NFYA: variants seen among roughly 807,000 people sequenced by gnomAD.
NFYA encodes CAAT-box DNA binding protein subunit A.
NFYA carries 28 observed loss-of-function variants against 52.8 expected under a neutral mutation model. The ratio of observed to expected loss-of-function variants is 0.53; its 90% CI spans 0.39 to 0.73. The LOEUF is 0.73. Among genes scored for constraint, NFYA ranks in the 30% least tolerant of loss-of-function variants. The pLI is 0.00. For missense variants in NFYA, 234 were observed against 427.0 expected, an observed-to-expected ratio of 0.55 and a Z score of 3.98; for synonymous variants, 150 against 150.7, an observed-to-expected ratio of 1.00 and a Z score of 0.03.
chr6:41,080,763 A>G, intron 2 of NFYA, 48 bp from the exon 3 acceptor site: 1 of 1,498,388 alleles, frequency 6.7e-7, no homozygotes. Context: ...CTTGAACTAC[A>G]CATTTCCTTC....
chr6:41,097,579 C>A lies in NFYA; in HGVS notation c.*169C>A. On this transcript the variant is annotated 3_prime_UTR_variant, in exon 10 of 10. Coordinates refer to ENST00000341376, the MANE Select transcript of NFYA (RefSeq NM_002505.5). Reference sequence around the variant, plus strand: ...GTATTACAATTGCAGCGATGCCTGGCAAATTGAAGTTGCAAGCCTTTGTCT... The same window carrying A: ...GTATTACAATTGCAGCGATGCCTGGAAAATTGAAGTTGCAAGCCTTTGTCT... The A allele has an allele frequency of 1.6e-6, 1 of 633,936 alleles. No individual in the cohort carries two copies. 39.3% of individuals were successfully genotyped at this position (633,936 alleles called of 1,614,324 possible).
chr6:41,090,388 T>G (rs898014577), intron 6 of NFYA, 79 bp downstream of exon 6: 22 of 808,076 alleles, frequency 2.7e-5, no homozygotes, highest in Admixed American at 4.3e-5. Context: ...CTTTAGAATT[T>G]GAGTGGTGAA....
At chr6:41,075,626 T>C (rs1036450832) in intron 1 of NFYA, 2 of 152,124 alleles carry the variant, frequency 1.3e-5, no homozygotes, top group Non-Finnish European at 2.9e-5. Flanking sequence ...TGATTTGTAG[T>C]ACTTCACCTT....
At position 41,074,608 on chromosome 6, in the gene NFYA, C is replaced by T. The variant is rs923476297; in HGVS notation, c.-62+1524C>T. Among the ~76,000 whole-genome samples, 10 of 152,162 alleles carry T rather than the reference C, an allele frequency of 6.6e-5. No individual in the cohort carries two copies. In the East Asian group the frequency reaches 1.9e-3, roughly 29 times the overall value. ...AAGCATGTGCAGAGGAATCAAATTACACTGTTGGAGGCAGGAAGATGGGAT... is the reference window on the plus strand; with the variant it reads ...AAGCATGTGCAGAGGAATCAAATTATACTGTTGGAGGCAGGAAGATGGGAT... On this transcript the variant is annotated intron_variant, in intron 1 of 9. Transcript: ENST00000341376.
intron 1 of NFYA, among the ~76,000 whole-genome samples, chr6:41,074,188 T>C (rs1363836620): frequency 6.6e-6 from 1 of 152,254 alleles, no homozygotes; most frequent in Admixed American, 6.5e-5. Flanking sequence ...TCTCTTGGTT[T>C]ATGTTTTTCT....
intron 5 of NFYA, 112 bp from the exon 6 acceptor site, chr6:41,090,092 C>T (rs1469484322): frequency 1.5e-5 from 10 of 684,488 alleles, no homozygotes; most frequent in East Asian, 1.2e-4. Context: ...TCCAGCCTGG[C>T]GACAGAGTGA....
chr6:41,090,183 G>GT, intron 5 of NFYA, 21 bp from the exon 6 acceptor site: 1 of 1,505,916 alleles, frequency 6.6e-7, no homozygotes, highest in African/African-American at 1.4e-5. Context: ...GTTGAATTGT[G>GT]TCATTACTTA....
At chr6:41,085,322 TAATAAG>T (rs1328463004) in intron 4 of NFYA, among the ~76,000 whole-genome samples, 1 of 152,216 alleles carries the variant, frequency 6.6e-6, no homozygotes, top group Non-Finnish European at 1.5e-5. Context: ...GAGTGTCCAT[TAATAAG>T]AATAAGGAAA....
chr6:41,084,054 G>A lies in NFYA; in HGVS notation c.171G>A (p.Gly57=). ...QQVQTLQVVQ[G]QPLMVQVSGG... is the part of the protein sequence containing the mutation. ...ATTTTATTTCATTCTAGGTCCAAGG[G>A]CAGCCATTAATGGTGCAGGTCAGTG... Residue 57 remains glycine (G), a synonymous_variant, in exon 4 of 10, where the codon GGG becomes GGA. Coordinates refer to ENST00000341376, the MANE Select transcript of NFYA (RefSeq NM_002505.5). The A allele has an allele frequency of 1.2e-6, 2 of 1,603,018 alleles. No homozygotes were observed. Among genetic ancestry groups the A allele is most frequent in the Non-Finnish European group, 1.7e-6 (2 of 1,175,680 alleles).
intron 4 of NFYA, among the ~76,000 whole-genome samples, chr6:41,087,354 C>T (rs1349259573): frequency 6.6e-6 from 1 of 152,104 alleles, no homozygotes; most frequent in Non-Finnish European, 1.5e-5. Context: ...CTGTTTTTTT[C>T]ACCTTCCTTC....
At chr6:41,073,609 C>T (rs965927113) in intron 1 of NFYA, among the ~76,000 whole-genome samples, 3 of 152,088 alleles carry the variant, frequency 2.0e-5, no homozygotes, top group Admixed American at 1.3e-4. Context: ...TTATCTGCAG[C>T]CCCTCTAGGT....
chr6:41,096,194 A>G (rs574174098), intron 9 of NFYA, among the ~76,000 whole-genome samples: 9 of 152,334 alleles, frequency 5.9e-5, no homozygotes, highest in African/African-American at 2.2e-4. Flanking sequence ...CATCTAAGCA[A>G]CTTTGCCTTA....
chr6:41,086,153 G>A (rs1446954691), intron 4 of NFYA, among the ~76,000 whole-genome samples: 1 of 152,060 alleles, frequency 6.6e-6, no homozygotes, highest in Non-Finnish European at 1.5e-5. Flanking sequence ...CTCCACTGTT[G>A]AGTAGAGACA....
chr6:41,096,706 C>T (rs148068615), intron 9 of NFYA, among the ~76,000 whole-genome samples: 47 of 152,272 alleles, frequency 3.1e-4, no homozygotes, highest in African/African-American at 1.1e-3. Context: ...CGGAGTGTTG[C>T]AAAAAGCTTC....
rs1462327640 is a variant in NFYA at position 41,100,358 on chromosome 6, AGAC to A, written c.*2949_*2951del. Among the ~76,000 whole-genome samples the A allele has an allele frequency of 6.6e-6, 1 of 152,256 alleles. No homozygotes were observed. The highest frequency in any genetic ancestry group is 2.4e-5 in the African/African-American group (1 of 41,456). ...TTTTGTTAGATTTTGTTTTGGCAGA[AGAC>A]CAAAACAAAAGTACTTTTCTGATTG... On this transcript the variant is annotated 3_prime_UTR_variant, in exon 10 of 10. Coordinates refer to ENST00000341376, the MANE Select transcript of NFYA (RefSeq NM_002505.5).
At position 41,097,662 on chromosome 6, in the gene NFYA, C is replaced by A; in HGVS notation, c.*252C>A. 1 of 420,460 alleles carries A rather than the reference C, an allele frequency of 2.4e-6. No individual in the cohort carries two copies. Among genetic ancestry groups the A allele is most frequent in the South Asian group, 3.0e-5 (1 of 33,718 alleles). The allele number at this position is 420,460 out of a possible 1,614,324, so 26.0% of individuals were successfully genotyped here. A position where few individuals can be genotyped will look rare whatever the true frequency, so the allele number is the denominator to read the frequency against. ...TGATGACATTGACATTTCATGGATT[C>A]GGATGATGCAAGGAGACACATGCCA... On this transcript the variant is annotated 3_prime_UTR_variant, in exon 10 of 10. Coordinates refer to ENST00000341376, the MANE Select transcript of NFYA (RefSeq NM_002505.5).
At chr6:41,084,817 C>G (rs923266971) in intron 4 of NFYA, among the ~76,000 whole-genome samples, 2 of 152,166 alleles carry the variant, frequency 1.3e-5, no homozygotes, top group Non-Finnish European at 2.9e-5. Context: ...AAAAAATTAG[C>G]CGGGCGTGGT....
In NFYA at chr6:41,085,075, T is replaced by C. The variant is rs938805170; in HGVS notation, c.309+883T>C. ...GATGGCAAAAAAAAACAAAAAGTCA[T>C]TATATCCACTGTTAGGATGGATGTG... On this transcript the variant is annotated intron_variant, in intron 4 of 9. Coordinates refer to ENST00000341376, the MANE Select transcript of NFYA (RefSeq NM_002505.5). 3.9e-5 allele frequency among the ~76,000 whole-genome samples: 6 copies of C among 152,176 alleles called. 1 individual carries two copies. Among genetic ancestry groups the C allele is most frequent in the African/African-American group, 1.4e-4 (6 of 41,440 alleles).
chr6:41,079,598 A>G (rs1466717952), intron 2 of NFYA, among the ~76,000 whole-genome samples: 1 of 152,208 alleles, frequency 6.6e-6, no homozygotes, highest in Non-Finnish European at 1.5e-5. Flanking sequence ...CTGGTTTAAC[A>G]TTAGGATAAT....
Sources: gnomAD v4.1 joint callset for allele counts (sites outside exome capture counted in the v4.1 genomes callset) on GRCh38, gnomAD v4.1.1 for gene constraint, MANE v1.5 for transcripts, NCBI Gene and HGNC (gene_info 2026-07-23, HGNC 2026-07-21) for gene names.